Variants in LMO7 observed in about 807,000 individuals in gnomAD.
LMO7 encodes the protein LIM domain 7.
A neutral mutation model predicts 206.5 loss-of-function variants in LMO7; 120 were observed. The ratio of observed to expected loss-of-function variants is 0.58; its 90% CI spans 0.50 to 0.68. The LOEUF (loss-of-function observed/expected upper bound fraction) is 0.68, where lower values mean the gene tolerates loss of function less well. Among genes scored for constraint, LMO7 ranks in the 30% least tolerant of loss-of-function variants. The pLI is 0.00. For synonymous variants in LMO7, 706 were observed against 681.5 expected, an observed-to-expected ratio of 1.04 and a Z score of -0.56; for missense variants, 1,959 against 1,957.9, an observed-to-expected ratio of 1.00 and a Z score of -0.01.
At chr13:75,682,837 T>C (rs985920235) in intron 1 of LMO7, among the ~76,000 whole-genome samples, 3 of 152,216 alleles carry the variant, frequency 2.0e-5, no homozygotes, top group Non-Finnish European at 2.9e-5. Flanking sequence ...GTCCATTGAA[T>C]TAATCCACAA....
chr13:75,687,731 G>C (rs1796644756), intron 1 of LMO7, among the ~76,000 whole-genome samples: 1 of 152,192 alleles, frequency 6.6e-6, no homozygotes, highest in Middle Eastern at 3.4e-3. Context: ...TTATAACAAA[G>C]TAATTAAAGT....
chr13:75,853,349 C>A lies in LMO7; in HGVS notation c.4622C>A (p.Ser1541Tyr), dbSNP rs767375629. 1.2e-5 allele frequency: 20 copies of A among 1,612,040 alleles called. No homozygotes were observed. The highest frequency in any genetic ancestry group is 2.2e-5 in the East Asian group (1 of 44,858). ...CAGTCCCCCACCCCGAGAAGCCATT[C>A]CCCTTCAGCTTCACAGTCAGGCTCT... is the stretch of plus-strand genomic sequence containing the variant. ...TTQSPTPRSH[S>Y]PSASQSGSQL... The change falls in exon 28 of 31, where the codon TCC becomes TAC. Residue 1541 changes from serine (S) to tyrosine (Y), a missense_variant. Physicochemically the swap from Ser to Tyr is moderately radical, Grantham distance 144. Coordinates refer to ENST00000377534, the MANE Select transcript of LMO7 (RefSeq NM_001306080.2).
At chr13:75,738,871 A>G (rs1235506248) in intron 3 of LMO7, among the ~76,000 whole-genome samples, 3 of 152,212 alleles carry the variant, frequency 2.0e-5, no homozygotes, top group Non-Finnish European at 2.9e-5. Flanking sequence ...CCCAAAACCT[A>G]TAGTCAGCCT....
chr13:75,738,044 C>T (rs916118716), intron 3 of LMO7, among the ~76,000 whole-genome samples: 8 of 151,358 alleles, frequency 5.3e-5, no homozygotes, highest in Non-Finnish European at 1.0e-4. Flanking sequence ...AGAAGACAGT[C>T]GTCTTGGCCA....
chr13:75,670,094 A>G (rs1566293372), intron 1 of LMO7, among the ~76,000 whole-genome samples: 2 of 152,250 alleles, frequency 1.3e-5, no homozygotes, highest in African/African-American at 4.8e-5. Context: ...GCAGGGAACT[A>G]TGAAATACAT....
chr13:75,729,136 T>G (rs1264859346), intron 3 of LMO7, among the ~76,000 whole-genome samples: 7 of 149,500 alleles, frequency 4.7e-5, no homozygotes, highest in Admixed American at 2.7e-4. Context: ...ATATGAACTT[T>G]AAAGTAGTTT....
In LMO7 at chr13:75,807,898, C is replaced by T. The variant is rs759009915; in HGVS notation, c.1615C>T (p.His539Tyr). Residue 539 changes from histidine (H) to tyrosine (Y), a missense_variant, in exon 10 of 31, where the codon CAC becomes TAC. His to Tyr is a moderately conservative substitution (Grantham distance 83). Coordinates refer to ENST00000377534, the MANE Select transcript of LMO7 (RefSeq NM_001306080.2). Reference sequence around the variant, plus strand: ...GCTGTCTGGGGCCCCAGATAGATACCACCCAGTCCCTTTTCCCGAACCCTG... The same window carrying T: ...GCTGTCTGGGGCCCCAGATAGATACTACCCAGTCCCTTTTCCCGAACCCTG... ...VPLSGAPDRY[H>Y]PVPFPEPWTL... The T allele has an allele frequency of 6.2e-7, 1 of 1,613,838 alleles. No individual in the cohort carries two copies. Among genetic ancestry groups the T allele is most frequent in the Non-Finnish European group, 8.5e-7 (1 of 1,179,896 alleles).
intron 21 of LMO7, 60 bp from the exon 22 acceptor site, chr13:75,840,331 A>G: frequency 2.5e-6 from 4 of 1,583,920 alleles, no homozygotes; most frequent in Non-Finnish European, 3.5e-6. Context: ...GTGGTTCAGT[A>G]GATGACTTAA....
At chr13:75,788,941 G>A (rs2052848056) in intron 4 of LMO7, 1 of 152,362 alleles carries the variant, frequency 6.6e-6, no homozygotes, top group Non-Finnish European at 1.5e-5. Flanking sequence ...AGTTGCAGTT[G>A]TTCTGGGCAA....
rs147858553 is a variant in LMO7 at position 75,688,046 on chromosome 13, C to A, written c.70-25136C>A. On this transcript the variant is annotated intron_variant, in intron 1 of 30. Transcript: ENST00000377534. ...TCCCCTGCATATGTTCTCTTGCCTG[C>A]CGCCACGTAAGATGTGCCCTTCTCC... Among the ~76,000 whole-genome samples, 623 of 152,312 alleles carry A rather than the reference C, an allele frequency of 4.1e-3. 8 individuals are homozygous for A. Among genetic ancestry groups the A allele is most frequent in the African/African-American group, 0.014 (586 of 41,564 alleles).
At chr13:75,707,682 C>T (rs1372304900) in intron 1 of LMO7, among the ~76,000 whole-genome samples, 1 of 151,954 alleles carries the variant, frequency 6.6e-6, no homozygotes. Context: ...CAGGGCATGC[C>T]AGATTGCCAC....
At chr13:75,736,562 G>A (rs930821657) in intron 3 of LMO7, among the ~76,000 whole-genome samples, 4 of 152,168 alleles carry the variant, frequency 2.6e-5, no homozygotes, top group Admixed American at 2.6e-4. Flanking sequence ...TTACAGCTGC[G>A]TATCAGAGGA....
In LMO7 at chr13:75,807,769, C is replaced by T. The variant is rs771270683; in HGVS notation, c.1486C>T (p.Arg496Ter). The change falls in exon 10 of 31, where the codon CGA becomes TGA. Residue 496 changes from arginine to a stop codon, truncating the protein, a stop_gained. Coordinates refer to ENST00000377534, the MANE Select transcript of LMO7 (RefSeq NM_001306080.2). LOFTEE classifies it high-confidence loss of function. ...CTCTGAGCAAGATGATTCTGTAGAG[C>T]GAGATATAATTTTACAGTGTAGAGA... ...KFSEQDDSVERDIILQCREGE... is the reference protein window; with the variant it reads ...KFSEQDDSVE 5.6e-6 allele frequency: 9 copies of T among 1,613,718 alleles called. No homozygotes were observed. The highest frequency in any genetic ancestry group is 2.2e-5 in the East Asian group (1 of 44,892).
intron 3 of LMO7, among the ~76,000 whole-genome samples, chr13:75,733,682 TG>T (rs2045513341): frequency 6.6e-6 from 1 of 152,176 alleles, no homozygotes; most frequent in Non-Finnish European, 1.5e-5. Flanking sequence ...AACACGGTAC[TG>T]CAGATGGAAA....
At chr13:75,753,179 A>G (rs1344109326) in intron 3 of LMO7, among the ~76,000 whole-genome samples, 1 of 152,158 alleles carries the variant, frequency 6.6e-6, no homozygotes, top group East Asian at 1.9e-4. Context: ...CTGACTAGTA[A>G]TGTTGAACAT....
intron 4 of LMO7, among the ~76,000 whole-genome samples, chr13:75,766,045 A>G (rs975709723): frequency 3.3e-5 from 5 of 152,116 alleles, no homozygotes; most frequent in Admixed American, 6.6e-5. Context: ...CCTTCATGGG[A>G]GAATGAAAGT....
At chr13:75,633,752 T>C (rs2035315759), upstream of LMO7, among the ~76,000 whole-genome samples, 1 of 152,028 alleles carries the variant, frequency 6.6e-6, no homozygotes, top group African/African-American at 2.4e-5. Flanking sequence ...TTGGAAGAAT[T>C]TGATATGAGT....
intron 4 of LMO7, among the ~76,000 whole-genome samples, chr13:75,778,794 T>C (rs543780942): frequency 1.7e-4 from 26 of 152,302 alleles, no homozygotes; most frequent in Middle Eastern, 3.4e-3. Flanking sequence ...AATTTTAACT[T>C]TGGTATATTG....
intron 6 of LMO7, 40 bp from the exon 7 acceptor site, chr13:75,800,643 GT>G: frequency 3.8e-6 from 6 of 1,562,006 alleles, no homozygotes; most frequent in Non-Finnish European, 5.3e-6. Flanking sequence ...TTTTTTGGAA[GT>G]TTATTTAACT....
Sources: gnomAD v4.1 joint callset for allele counts (sites outside exome capture counted in the v4.1 genomes callset) on GRCh38, gnomAD v4.1.1 for gene constraint, MANE v1.5 for transcripts, NCBI Gene and HGNC (gene_info 2026-07-23, HGNC 2026-07-21) for gene names.